PDE1C: variants seen among roughly 807,000 people sequenced by gnomAD.
PDE1C encodes phosphodiesterase 1C.
PDE1C carries 62 observed loss-of-function variants against 93.1 expected under a neutral mutation model. That is an observed-to-expected ratio of 0.67 (90% confidence interval 0.54 to 0.82). PDE1C has a LOEUF of 0.82. Among genes scored for constraint, PDE1C ranks in the 40% least tolerant of loss-of-function variants. The pLI, the probability that PDE1C is intolerant of heterozygous loss-of-function variation, is 0.00. For synonymous variants in PDE1C, 325 were observed against 310.1 expected, an observed-to-expected ratio of 1.05 and a Z score of -0.50; for missense variants, 742 against 884.6, an observed-to-expected ratio of 0.84 and a Z score of 2.04.
chr7:31,688,474 C>A, the PDE1C span, among the ~76,000 whole-genome samples: 1 of 152,232 alleles, frequency 6.6e-6, no homozygotes, highest in African/African-American at 2.4e-5. Context: ...ACACACTGAA[C>A]CAACTAATGT....
At chr7:32,026,127 T>C (rs1789400617) in intron 2 of PDE1C, among the ~76,000 whole-genome samples, 1 of 151,936 alleles carries the variant, frequency 6.6e-6, no homozygotes, top group Admixed American at 6.6e-5. Context: ...TCAGAAACCA[T>C]GCTCGGAATG....
At chr7:31,631,573 G>A in the PDE1C span, among the ~76,000 whole-genome samples, 44 of 152,072 alleles carry the variant, frequency 2.9e-4, no homozygotes, top group Non-Finnish European at 5.3e-4. Context: ...TTGAGCCAAA[G>A]ATAAGTTAAT....
chr7:32,072,962 T>C (rs1363908556), upstream of PDE1C, among the ~76,000 whole-genome samples: 1 of 152,216 alleles, frequency 6.6e-6, no homozygotes, highest in African/African-American at 2.4e-5. Context: ...TGGAGAGACT[T>C]GGAAAAAGAA....
the PDE1C span, among the ~76,000 whole-genome samples, chr7:31,623,729 A>T: frequency 7.0e-6 from 1 of 141,894 alleles, no homozygotes; most frequent in East Asian, 2.2e-4. Flanking sequence ...TGAAACCTCT[A>T]TCACCACGCC....
At position 32,378,935 on chromosome 7, in the gene PDE1C, GC is replaced by G. The variant is rs370053871; in HGVS notation, c.310+48886del. ...CAATGCTGTGGTCTTTTTTGGTGCA[GC>G]CAGCAGGAATAACCTATCAGGCAGT... On this transcript the variant is annotated intron_variant, in intron 1 of 1. Transcript: ENST00000672256. Among the ~76,000 whole-genome samples, 221 of 152,304 alleles carry G rather than the reference GC, an allele frequency of 1.5e-3. 2 individuals are homozygous for G. The highest frequency in any genetic ancestry group is 4.3e-3 in the African/African-American group (178 of 41,568).
intron 1 of PDE1C, among the ~76,000 whole-genome samples, chr7:32,316,670 C>T (rs779410391): frequency 3.9e-5 from 6 of 152,060 alleles, no homozygotes; most frequent in Non-Finnish European, 5.9e-5. Context: ...AAGTTTTTCC[C>T]GATGTTGATT....
intron 3 of PDE1C, among the ~76,000 whole-genome samples, chr7:32,129,747 G>A (rs1038201189): frequency 6.6e-6 from 1 of 151,834 alleles, no homozygotes; most frequent in African/African-American, 2.4e-5. Context: ...TCTTCTAATA[G>A]TATAACTTCT....
chr7:31,646,107 G>A, the PDE1C span, among the ~76,000 whole-genome samples: 19 of 152,186 alleles, frequency 1.2e-4, no homozygotes, highest in African/African-American at 4.1e-4. Context: ...TCTAATTTAC[G>A]TTTAAGACAA....
At chr7:32,282,183 A>G (rs926965753) in intron 1 of PDE1C, among the ~76,000 whole-genome samples, 2 of 151,958 alleles carry the variant, frequency 1.3e-5, no homozygotes, top group African/African-American at 4.8e-5. Context: ...AAAGAAAGAA[A>G]TATAGATGGT....
intron 9 of PDE1C, among the ~76,000 whole-genome samples, chr7:31,844,267 CAAAATAATAT>C (rs1170404711): frequency 6.6e-6 from 1 of 151,194 alleles, no homozygotes; most frequent in Non-Finnish European, 1.5e-5. Context: ...TATAAAATAA[CAAAATAATAT>C]TTTTGAAACT....
chr7:32,242,378 G>A lies in PDE1C; in HGVS notation c.86-32839C>T, dbSNP rs553147286. Among the ~76,000 whole-genome samples, 266 of 152,284 alleles carry A rather than the reference G, an allele frequency of 1.7e-3. 1 individual carries two copies. Among genetic ancestry groups the A allele is most frequent in the African/African-American group, 5.9e-3 (247 of 41,556 alleles). On this transcript the variant is annotated intron_variant, in intron 1 of 18. Transcript: ENST00000396193. The stretch of plus-strand genomic sequence containing the variant: ...GGGAGCAAAGAAAGGAGTAGTCAAT[G>A]AGATGTTGCTAATGGGGTTATTGGA...
intron 1 of PDE1C, among the ~76,000 whole-genome samples, chr7:32,377,269 A>T (rs1234407767): frequency 1.3e-5 from 2 of 151,614 alleles, no homozygotes; most frequent in African/African-American, 2.4e-5. Context: ...GATTATCCGC[A>T]CTCCCCACCT....
intron 2 of PDE1C, among the ~76,000 whole-genome samples, chr7:31,952,228 G>T (rs866807370): frequency 2.0e-4 from 30 of 152,186 alleles, no homozygotes; most frequent in Middle Eastern, 3.4e-3. Context: ...TAAGGTAGAA[G>T]AATGTACCTA....
chr7:32,016,224 G>C (rs910665738), intron 2 of PDE1C, among the ~76,000 whole-genome samples: 2 of 152,174 alleles, frequency 1.3e-5, no homozygotes, highest in African/African-American at 4.8e-5. Flanking sequence ...CTATAACACT[G>C]CCAGACCTAT....
intron 2 of PDE1C, among the ~76,000 whole-genome samples, chr7:31,925,329 A>G (rs1803231858): frequency 6.6e-6 from 1 of 152,112 alleles, no homozygotes; most frequent in Non-Finnish European, 1.5e-5. Context: ...GAATAGTTAA[A>G]TATTTAATTT....
chr7:32,154,491 T>A (rs1801450433), intron 3 of PDE1C, among the ~76,000 whole-genome samples: 1 of 152,176 alleles, frequency 6.6e-6, no homozygotes, highest in Admixed American at 6.5e-5. Context: ...GATGTGGACA[T>A]AACAGAATTA....
rs1176955708 is a variant in PDE1C at position 32,082,636 on chromosome 7, G to A, written c.308+87149C>T. 2.0e-5 allele frequency among the ~76,000 whole-genome samples: 3 copies of A among 152,170 alleles called. No individual in the cohort carries two copies. The East Asian group carries it at 5.8e-4, about 29-fold the overall frequency. ...GCAGACTGACACCTCACACGGCTGG[G>A]TACTCCTCTGAGACAAAACTTCCAG... On this transcript the variant is annotated intron_variant, in intron 3 of 18. Coordinates refer to the PDE1C transcript ENST00000396193.
At chr7:31,663,083 G>A in the PDE1C span, among the ~76,000 whole-genome samples, 2 of 152,112 alleles carry the variant, frequency 1.3e-5, no homozygotes, top group South Asian at 4.1e-4. Flanking sequence ...GGACACTGCT[G>A]TGCCTTCTCA....
chr7:31,637,758 AT>A, the PDE1C span, among the ~76,000 whole-genome samples: 1 of 152,164 alleles, frequency 6.6e-6, no homozygotes, highest in Non-Finnish European at 1.5e-5. Context: ...CCATTTGTCA[AT>A]TTTGGCTTTT....
Sources: allele counts gnomAD v4.1 joint callset (sites outside exome capture counted in the v4.1 genomes callset), GRCh38; gene constraint gnomAD v4.1.1; transcripts MANE v1.5; gene names NCBI Gene and HGNC (gene_info 2026-07-23, HGNC 2026-07-21).